Variants in MBNL3 observed in about 807,000 individuals in gnomAD.
The protein encoded by MBNL3 is muscleblind like splicing regulator 3, also known as muscleblind-like protein 3.
MBNL3 carries 6 observed loss-of-function variants against 24.5 expected under a neutral mutation model. The ratio of observed to expected loss-of-function variants is 0.25; its 90% CI spans 0.13 to 0.48. MBNL3 has a LOEUF of 0.48. Among genes scored for constraint, MBNL3 ranks in the 20% least tolerant of loss-of-function variants. The probability of loss-of-function intolerance (pLI) is 0.99; values close to 1 mark genes in which losing one functional copy is unlikely to be tolerated. For synonymous variants in MBNL3, 100 were observed against 101.7 expected, an observed-to-expected ratio of 0.98 and a Z score of 0.10; for missense variants, 230 against 293.5, an observed-to-expected ratio of 0.78 and a Z score of 1.58.
In MBNL3 at chrX:132,384,533, A is replaced by G. The variant is rs934862513; in HGVS notation, c.958+130T>C. On this transcript the variant is annotated intron_variant, in intron 7 of 8. Coordinates refer to ENST00000370853, the MANE Select transcript of MBNL3 (RefSeq NM_001386889.1). ...GCTACAAAGACATAAAACAGAAAGC[A>G]CCATGTTAAACCTTAACATACTCAG... is the stretch of plus-strand genomic sequence containing the variant. 2.9e-5 allele frequency: 15 copies of G among 525,341 alleles called. No individual in the cohort carries two copies. In the East Asian group the frequency reaches 3.3e-4, roughly 12 times the overall value. The allele number at this position is 525,341 out of a possible 1,213,427, so 43.3% of individuals were successfully genotyped here.
In MBNL3 at chrX:132,372,391, T is replaced by A. The variant is rs760290126; in HGVS notation, c.*7275A>T. On this transcript the variant is annotated 3_prime_UTR_variant, in exon 9 of 9. Transcript: ENST00000370853. The stretch of plus-strand genomic sequence containing the variant: ...TTAGGAAAATCCTTCAAAAGTTTTT[T>A]AATTTAAATCATTGTAATTTGGGAG... 25 of 109,888 alleles carry A rather than the reference T, an allele frequency of 2.3e-4. No homozygotes were observed. In the East Asian group the frequency reaches 3.6e-3, roughly 16 times the overall value. 9.1% of individuals were successfully genotyped at this position (109,888 alleles called of 1,213,427 possible). A position where few individuals can be genotyped will look rare whatever the true frequency, so the allele number is the denominator to read the frequency against.
At chrX:132,379,774 C>A (rs1934504105) in intron 8 of MBNL3, 97 bp from the exon 9 acceptor site, 2 of 682,644 alleles carry the variant, frequency 2.9e-6, no homozygotes, top group South Asian at 2.8e-5. Context: ...TGTTCCAGTT[C>A]TGTCTGTTAA....
chrX:132,439,397 C>T (rs1402307168), intron 2 of MBNL3, 38 bp downstream of exon 2: 1 of 1,093,513 alleles, frequency 9.1e-7, no homozygotes, highest in South Asian at 2.7e-5. Context: ...ACATAGAAAT[C>T]AACAAATTTA....
upstream of MBNL3, among the ~76,000 whole-genome samples, chrX:132,489,508 G>A (rs1338820363): frequency 1.8e-5 from 2 of 111,217 alleles, no homozygotes; most frequent in Non-Finnish European, 1.9e-5. Context: ...CTTTGCCAAA[G>A]GCGTGCCCTC....
At chrX:132,401,127 T>C (rs73556167) in intron 3 of MBNL3, among the ~76,000 whole-genome samples, 203 of 111,916 alleles carry the variant, frequency 1.8e-3, no homozygotes, top group African/African-American at 6.4e-3. Flanking sequence ...TCTTTTCTAT[T>C]AAACCTACAT....
intron 2 of MBNL3, among the ~76,000 whole-genome samples, chrX:132,418,462 C>T (rs916489698): frequency 9.0e-6 from 1 of 111,716 alleles, no homozygotes; most frequent in Non-Finnish European, 1.9e-5. Flanking sequence ...GGATTTGAAC[C>T]TACGTGCTCT....
intron 1 of MBNL3, among the ~76,000 whole-genome samples, chrX:132,449,294 A>G (rs146924206): frequency 0.013 from 1,436 of 110,220 alleles, 27 homozygotes; most frequent in African/African-American, 0.045. Flanking sequence ...GGTCTCTAAG[A>G]ACTTGCTTTA....
intron 1 of MBNL3, among the ~76,000 whole-genome samples, chrX:132,444,389 G>A (rs1458777134): frequency 2.7e-5 from 3 of 111,096 alleles, no homozygotes; most frequent in Admixed American, 1.9e-4. Flanking sequence ...AAATTGGGAT[G>A]ACAATATCTA....
intron 1 of MBNL3, among the ~76,000 whole-genome samples, chrX:132,446,181 T>C (rs1230482576): frequency 3.6e-5 from 4 of 112,285 alleles, no homozygotes; most frequent in Non-Finnish European, 7.5e-5. Context: ...ACATTTTCTT[T>C]ATCCAATCTA....
At chrX:132,403,092 T>G (rs1157261376) in intron 3 of MBNL3, among the ~76,000 whole-genome samples, 1 of 111,634 alleles carries the variant, frequency 9.0e-6, no homozygotes, top group South Asian at 3.8e-4. Context: ...GATAGAGAGT[T>G]GTTTGAGGGA....
At position 132,403,801 on chromosome X, in the gene MBNL3, A is replaced by G. The variant is rs555671575; in HGVS notation, c.342+2427T>C. On this transcript the variant is annotated intron_variant, in intron 3 of 8. Coordinates refer to ENST00000370853, the MANE Select transcript of MBNL3 (RefSeq NM_001386889.1). ...ATTCCCTGAAACAAGGCATTTCACT[A>G]GTACCCTGAAGCTATCCCTCGACCT... 2.7e-5 allele frequency among the ~76,000 whole-genome samples: 3 copies of G among 111,525 alleles called. No homozygotes were observed. In the South Asian group the frequency reaches 1.1e-3, roughly 42 times the overall value.
chrX:132,440,677 C>T (rs150744684), intron 1 of MBNL3, among the ~76,000 whole-genome samples: 1,584 of 111,409 alleles, frequency 0.014, 21 homozygotes, highest in African/African-American at 0.049. Flanking sequence ...ATTGGAGCAA[C>T]TCAGAAGAAG....
intron 3 of MBNL3, among the ~76,000 whole-genome samples, chrX:132,394,072 C>G (rs1220933274): frequency 1.8e-5 from 2 of 111,274 alleles, no homozygotes; most frequent in Non-Finnish European, 3.8e-5. Flanking sequence ...CAGAAAGAAT[C>G]TGGCACCAAA....
intron 1 of MBNL3, among the ~76,000 whole-genome samples, chrX:132,448,223 G>C (rs1456607673): frequency 9.0e-6 from 1 of 111,725 alleles, no homozygotes; most frequent in Non-Finnish European, 1.9e-5. Flanking sequence ...AATGGGACCA[G>C]CTCCTCTTTG....
intron 1 of MBNL3, among the ~76,000 whole-genome samples, chrX:132,470,679 A>G (rs1413726625): frequency 1.8e-5 from 2 of 111,963 alleles, no homozygotes; most frequent in Non-Finnish European, 3.8e-5. Context: ...CTTATTCTGT[A>G]CAAATGTATT....
At chrX:132,396,355 TATTCCTATATATATTC>T in intron 3 of MBNL3, among the ~76,000 whole-genome samples, 1 of 87,599 alleles carries the variant, frequency 1.1e-5, no homozygotes, top group African/African-American at 4.3e-5. Flanking sequence ...CATATATATA[TATTCCTATATATATTC>T]ATATATATTC....
intron 2 of MBNL3, among the ~76,000 whole-genome samples, chrX:132,414,175 C>T (rs1040787749): frequency 2.7e-5 from 3 of 111,961 alleles, no homozygotes; most frequent in Non-Finnish European, 5.6e-5. Context: ...TCTAATGAAC[C>T]AAATAATATA....
intron 7 of MBNL3, 86 bp downstream of exon 7, chrX:132,384,577 T>G: frequency 1.2e-6 from 1 of 862,400 alleles, no homozygotes; most frequent in South Asian, 2.3e-5. Context: ...CAGCCACATC[T>G]TTCAGTCATT....
chrX:132,406,119 A>G, intron 3 of MBNL3, 109 bp downstream of exon 3: 5 of 894,868 alleles, frequency 5.6e-6, no homozygotes, highest in Non-Finnish European at 4.9e-6. Flanking sequence ...GTCAATGAAC[A>G]TATTAGTTTG....
Sources: gnomAD v4.1 joint callset for allele counts (sites outside exome capture counted in the v4.1 genomes callset) on GRCh38, gnomAD v4.1.1 for gene constraint, MANE v1.5 for transcripts, NCBI Gene and HGNC (gene_info 2026-07-23, HGNC 2026-07-21) for gene names.